The following CSMD1 variants were observed in gnomAD, a reference collection of about 807,000 sequenced individuals.
CSMD1 encodes CUB and sushi domain-containing protein 1.
Under a neutral mutation model 417.5 loss-of-function variants are expected in CSMD1, and 213 were observed. The observed-to-expected ratio is 0.51, with a 90% CI of 0.46 to 0.57. The LOEUF is 0.57. Among genes scored for constraint, CSMD1 ranks in the 20% least tolerant of loss-of-function variants. CSMD1 has a pLI of 0.00. For synonymous variants in CSMD1, 2,862 were observed against 1,736.8 expected (o/e 1.65, Z -16.11); for missense variants, 6,923 against 4,529.7 (o/e 1.53, Z -15.17).
intron 7 of CSMD1, among the ~76,000 whole-genome samples, chr8:3,617,068 G>T (rs7840019): frequency 0.17 from 25,879 of 151,896 alleles, 2,523 homozygotes; most frequent in African/African-American, 0.26. Context: ...ATCTCATTTG[G>T]TCCTTATGAT....
chr8:4,435,709 G>A (rs191161565), intron 2 of CSMD1, among the ~76,000 whole-genome samples: 1 of 152,248 alleles, frequency 6.6e-6, no homozygotes, highest in East Asian at 1.9e-4. Flanking sequence ...GCCTCTGTGT[G>A]GGGCTGTGGC....
At chr8:3,390,070 T>G (rs1811254910) in intron 17 of CSMD1, among the ~76,000 whole-genome samples, 2 of 152,052 alleles carry the variant, frequency 1.3e-5, no homozygotes, top group Non-Finnish European at 2.9e-5. Flanking sequence ...ACATCTGGAA[T>G]TTGGCTGGGC....
chr8:3,535,184 C>A (rs1364322259), intron 10 of CSMD1, among the ~76,000 whole-genome samples: 1 of 151,940 alleles, frequency 6.6e-6, no homozygotes, highest in Non-Finnish European at 1.5e-5. Context: ...AAACTCCTGG[C>A]CTGAAATGAT....
chr8:3,319,934 C>T (rs1806040318), intron 23 of CSMD1, among the ~76,000 whole-genome samples: 2 of 152,144 alleles, frequency 1.3e-5, no homozygotes, highest in Admixed American at 1.3e-4. Context: ...GGAGAAATAG[C>T]AGCTCTGGTT....
At chr8:4,106,478 G>A (rs1801574398) in intron 3 of CSMD1, among the ~76,000 whole-genome samples, 1 of 152,018 alleles carries the variant, frequency 6.6e-6, no homozygotes, top group South Asian at 2.1e-4. Flanking sequence ...TCTCTGCATT[G>A]CTCTTGAGTA....
intron 3 of CSMD1, among the ~76,000 whole-genome samples, chr8:4,130,271 G>A (rs754766586): frequency 2.0e-5 from 3 of 152,134 alleles, no homozygotes; most frequent in Non-Finnish European, 4.4e-5. Flanking sequence ...CTATATTCAT[G>A]CAAACGATTA....
chr8:3,727,953 G>A (rs144791439), intron 6 of CSMD1, among the ~76,000 whole-genome samples: 252 of 152,258 alleles, frequency 1.7e-3, no homozygotes, highest in African/African-American at 5.8e-3. Context: ...TATGGGTAAT[G>A]AGAGTTTAAT....
At chr8:4,619,647 G>C (rs1021252309) in intron 2 of CSMD1, among the ~76,000 whole-genome samples, 9 of 152,176 alleles carry the variant, frequency 5.9e-5, no homozygotes, top group Non-Finnish European at 2.9e-5. Flanking sequence ...CACATGGGAC[G>C]TCATATTTTT....
chr8:3,575,277 C>G (rs988620123), intron 9 of CSMD1, among the ~76,000 whole-genome samples: 4 of 151,926 alleles, frequency 2.6e-5, no homozygotes, highest in African/African-American at 7.3e-5. Context: ...TGCAGTGTTA[C>G]GCTGGGACAC....
chr8:2,954,011 T>C (rs1283044244), intron 65 of CSMD1, among the ~76,000 whole-genome samples: 2 of 152,378 alleles, frequency 1.3e-5, no homozygotes, highest in Admixed American at 6.5e-5. Flanking sequence ...AAAGGTTTTC[T>C]TTTTAAGGGA....
At chr8:3,736,070 T>A (rs528961179) in intron 6 of CSMD1, among the ~76,000 whole-genome samples, 88 of 152,206 alleles carry the variant, frequency 5.8e-4, no homozygotes, top group Middle Eastern at 6.8e-3. Flanking sequence ...TGAAGGAGAT[T>A]AATAATATAA....
intron 42 of CSMD1, among the ~76,000 whole-genome samples, chr8:3,112,078 G>T (rs1439932262): frequency 6.6e-6 from 1 of 151,844 alleles, no homozygotes; most frequent in Non-Finnish European, 1.5e-5. Context: ...CAGAGCACAC[G>T]GCTCCCACGA....
Position 4,865,200 on chromosome 8 carries a change from C to T in CSMD1, c.85+129132G>A, listed in dbSNP as rs1374351206. On this transcript the variant is annotated intron_variant, in intron 1 of 69. Coordinates refer to ENST00000635120, the MANE Select transcript of CSMD1 (RefSeq NM_033225.6). ...GACATGTTCTAATATCATTCTCATG[C>T]ATAATGATAAGTCCTTTATTTAAAA... 3.3e-5 allele frequency among the ~76,000 whole-genome samples: 5 copies of T among 151,886 alleles called. No individual in the cohort carries two copies. The Middle Eastern group carries it at 0.01, about 310-fold the overall frequency.
Position 3,308,510 on chromosome 8 carries a change from G to A in CSMD1, c.3632-7C>T, listed in dbSNP as rs1016389477. The A allele has an allele frequency of 5.0e-6, 8 of 1,605,488 alleles. No homozygotes were observed. In the East Asian group the frequency reaches 1.1e-4, roughly 23 times the overall value. ...CATTTTACCAGATCAAAACCTGCAA[G>A]AGAGAAAGGCAAGGAATGAACAGAA... is the stretch of plus-strand genomic sequence containing the variant. On this transcript the variant is annotated splice_region_variant and splice_polypyrimidine_tract_variant and intron_variant, in intron 23 of 69. Coordinates refer to ENST00000635120, the MANE Select transcript of CSMD1 (RefSeq NM_033225.6).
rs533370351 is a variant in CSMD1, at chr8:4,933,989, A to G, written c.85+60343T>C. ...AGTCACTCTCACTCAACAGTTACTTACGTTTATGCTTTTTTTTTAAAAAAA... is the reference window on the plus strand; with the variant it reads ...AGTCACTCTCACTCAACAGTTACTTGCGTTTATGCTTTTTTTTTAAAAAAA... On this transcript the variant is annotated intron_variant, in intron 1 of 69. Transcript: ENST00000635120. Among the ~76,000 whole-genome samples, 259 of 151,550 alleles carry G rather than the reference A, an allele frequency of 1.7e-3. 1 individual carries two copies. The highest frequency in any genetic ancestry group is 5.9e-3 in the African/African-American group (244 of 41,170).
chr8:4,276,473 A>T (rs1413350901), intron 3 of CSMD1, among the ~76,000 whole-genome samples: 1 of 152,140 alleles, frequency 6.6e-6, no homozygotes, highest in Non-Finnish European at 1.5e-5. Flanking sequence ...AGGGCCTGTC[A>T]GGAGAAATAC....
At chr8:3,246,412 C>G (rs1030661080) in intron 26 of CSMD1, among the ~76,000 whole-genome samples, 1 of 152,200 alleles carries the variant, frequency 6.6e-6, no homozygotes, top group African/African-American at 2.4e-5. Flanking sequence ...CTCAGTCACG[C>G]TCTCACATAT....
chr8:4,803,496 C>G (rs941042429), intron 1 of CSMD1, among the ~76,000 whole-genome samples: 2 of 152,152 alleles, frequency 1.3e-5, no homozygotes, highest in African/African-American at 4.8e-5. Flanking sequence ...AGGTTGGAAT[C>G]TGCCCGACAT....
At chr8:3,280,585 T>A (rs1026270702) in intron 26 of CSMD1, among the ~76,000 whole-genome samples, 1 of 152,154 alleles carries the variant, frequency 6.6e-6, no homozygotes, top group Non-Finnish European at 1.5e-5. Flanking sequence ...TATTAACTAG[T>A]GATAGGGTTG....
Sources: gnomAD v4.1 joint callset for allele counts (sites outside exome capture counted in the v4.1 genomes callset) on GRCh38, gnomAD v4.1.1 for gene constraint, MANE v1.5 for transcripts, NCBI Gene and HGNC (gene_info 2026-07-23, HGNC 2026-07-21) for gene names.